Variants in MAP4 observed in about 807,000 individuals in gnomAD.
The protein encoded by MAP4 is microtubule-associated protein 4.
In MAP4, 76 loss-of-function variants were observed where a neutral mutation model predicts 170.2. The ratio of observed to expected loss-of-function variants is 0.45; its 90% confidence interval spans 0.37 to 0.54. The LOEUF (loss-of-function observed/expected upper bound fraction) is 0.54, where lower values mean the gene tolerates loss of function less well. MAP4 is among the 20% of genes least tolerant of loss of function. The pLI is 0.00. For synonymous variants in MAP4, 909 were observed against 994.5 expected (o/e 0.91, Z 1.62); for missense variants, 2,506 against 2,748.0 (o/e 0.91, Z 1.97).
intron 1 of MAP4, among the ~76,000 whole-genome samples, chr3:48,054,629 C>CA (rs745809251): frequency 0.013 from 505 of 39,546 alleles, 18 homozygotes; most frequent in Middle Eastern, 0.02. Context: ...GACTCCATCT[C>CA]AAAAAAAAAA....
chr3:47,917,170 G>C lies in MAP4; in HGVS notation c.657C>G (p.Pro219=). 6.2e-7 allele frequency: 1 copy of C among 1,611,026 alleles called. No individual in the cohort carries two copies. The highest frequency in any genetic ancestry group is 8.5e-7 in the Non-Finnish European group (1 of 1,178,762). ...TTTCTATCTCCTTGGCTAGCTCTAA[G>C]GGAACTAAATTGGAAATTTAGGACA... The part of the protein sequence containing the change: ...VAEPPQPTAV[P]LELAKEIEMA... The change falls in exon 7 of 21, where the codon CCC becomes CCG. Residue 219 remains proline, a synonymous_variant. Coordinates refer to ENST00000683076, the MANE Select transcript of MAP4 (RefSeq NM_001385682.1).
rs186355827 is a variant in MAP4 at position 47,864,781 on chromosome 3, C to T, written c.6501+2465G>A. Among the ~76,000 whole-genome samples, 112 of 152,208 alleles carry T rather than the reference C, an allele frequency of 7.4e-4. 1 individual carries two copies. Among genetic ancestry groups the T allele is most frequent in the African/African-American group, 2.6e-3 (107 of 41,528 alleles). On this transcript the variant is annotated intron_variant, in intron 17 of 20. Transcript: ENST00000683076. ...ACTCGGGAAGCTGACGAAGGAGAAT[C>T]GCTTGAACCTGGGAGGCAGAGGTTG...
intron 1 of MAP4, among the ~76,000 whole-genome samples, chr3:48,060,419 A>G (rs923819578): frequency 6.6e-6 from 1 of 152,184 alleles, no homozygotes; most frequent in African/African-American, 2.4e-5. Flanking sequence ...AACATAGAAG[A>G]AAATCTAGGT....
chr3:48,022,501 C>T (rs1459275316), intron 1 of MAP4, among the ~76,000 whole-genome samples: 2 of 152,024 alleles, frequency 1.3e-5, no homozygotes, highest in African/African-American at 4.8e-5. Context: ...GAAGTGATGC[C>T]TTTAAAACTG....
rs988449755 is a variant in MAP4, at chr3:47,911,194, C to T, written c.3227G>A (p.Gly1076Glu). ...CAGCTCAGATTTTGCTTTTACCTTCCCAGAATCTGTTCTCATTTTCCCAGA... is the reference window on the plus strand; with the variant it reads ...CAGCTCAGATTTTGCTTTTACCTTCTCAGAATCTGTTCTCATTTTCCCAGA... ...GSSGKMRTDS[G>E]KVKAKSELPF... The change falls in exon 9 of 21, where the codon GGG becomes GAG. Residue 1076 changes from glycine to glutamate, a missense_variant. Physicochemically the swap from Gly to Glu is moderately conservative, Grantham distance 98. Coordinates refer to ENST00000683076, the MANE Select transcript of MAP4 (RefSeq NM_001385682.1). This position sits in a 1 kb window ranked among gnomAD's most constrained non-coding sequence, Gnocchi z 4.0. The T allele has an allele frequency of 3.8e-5, 58 of 1,535,994 alleles. No homozygotes were observed. The Admixed American group carries it at 9.8e-4, about 26-fold the overall frequency.
At chr3:47,975,474 A>C in intron 3 of MAP4, 6 of 1,554,394 alleles carry the variant, frequency 3.9e-6, no homozygotes, top group Non-Finnish European at 5.2e-6. Context: ...TTCTAGGAGG[A>C]GAAAAATAGA....
At chr3:48,024,363 G>A (rs192332376) in intron 1 of MAP4, among the ~76,000 whole-genome samples, 3 of 152,102 alleles carry the variant, frequency 2.0e-5, no homozygotes, top group African/African-American at 7.2e-5. Flanking sequence ...GAAAGGGACC[G>A]TGGCAAAGAT....
intron 10 of MAP4, among the ~76,000 whole-genome samples, chr3:47,879,433 T>G (rs967077511): frequency 6.6e-6 from 1 of 152,146 alleles, no homozygotes. Flanking sequence ...CTTAAAACTT[T>G]GAGAAATAAT....
intron 17 of MAP4, among the ~76,000 whole-genome samples, chr3:47,863,567 G>T (rs2072526916): frequency 6.6e-6 from 1 of 152,006 alleles, no homozygotes; most frequent in African/African-American, 2.4e-5. Context: ...TGCTCTGCTT[G>T]TGCTTACACA....
chr3:48,030,176 G>C (rs1475556350), intron 1 of MAP4, among the ~76,000 whole-genome samples: 1 of 150,708 alleles, frequency 6.6e-6, no homozygotes. Context: ...ATCATCTAAG[G>C]CTAAGAATTT....
intron 3 of MAP4, among the ~76,000 whole-genome samples, chr3:47,944,402 C>G (rs1422315493): frequency 1.3e-5 from 2 of 152,040 alleles, no homozygotes; most frequent in East Asian, 3.8e-4. Context: ...CAGCTCACTC[C>G]ATCCAAAATA....
intron 3 of MAP4, among the ~76,000 whole-genome samples, chr3:47,957,179 T>C (rs1228748327): frequency 6.6e-6 from 1 of 152,154 alleles, no homozygotes; most frequent in East Asian, 1.9e-4. Context: ...CGGCTGCTTC[T>C]TTTTTTGAGA....
At chr3:47,997,237 A>AC (rs1449196404) in intron 2 of MAP4, among the ~76,000 whole-genome samples, 1 of 151,276 alleles carries the variant, frequency 6.6e-6, no homozygotes, top group Non-Finnish European at 1.5e-5. Flanking sequence ...AGCTGACTTA[A>AC]CCACTTCAAA....
At chr3:47,928,561 G>A (rs888892350) in intron 3 of MAP4, among the ~76,000 whole-genome samples, 6 of 152,132 alleles carry the variant, frequency 3.9e-5, no homozygotes, top group Admixed American at 3.9e-4. Context: ...GAGACTGAGA[G>A]AGGATTACCT....
At chr3:47,969,871 A>G (rs2100077533) in intron 3 of MAP4, among the ~76,000 whole-genome samples, 1 of 152,168 alleles carries the variant, frequency 6.6e-6, no homozygotes, top group Non-Finnish European at 1.5e-5. Context: ...AAAAAAAAAA[A>G]AAGAGTCTTA....
chr3:48,001,103 C>T (rs1180281873), intron 1 of MAP4, among the ~76,000 whole-genome samples: 1 of 152,046 alleles, frequency 6.6e-6, no homozygotes, highest in African/African-American at 2.4e-5. Context: ...GGCACAGAGG[C>T]TTAAGAATCA....
chr3:48,041,373 A>C (rs1160494078), intron 1 of MAP4, among the ~76,000 whole-genome samples: 2 of 152,148 alleles, frequency 1.3e-5, no homozygotes, highest in Non-Finnish European at 2.9e-5. Flanking sequence ...TGGCCTCCCA[A>C]AGTGCTGAGA....
chr3:47,966,216 G>A (rs1260633711), intron 3 of MAP4, among the ~76,000 whole-genome samples: 1 of 134,314 alleles, frequency 7.4e-6, no homozygotes, highest in African/African-American at 2.7e-5. Context: ...TGGGACTACA[G>A]GCCCACACTA....
At chr3:47,854,343 C>A (rs921642624) in intron 19 of MAP4, among the ~76,000 whole-genome samples, 1 of 152,168 alleles carries the variant, frequency 6.6e-6, no homozygotes, top group Non-Finnish European at 1.5e-5. Context: ...CAAGGACCCC[C>A]CCAGATGTTC....
Sources: gnomAD v4.1 joint callset for allele counts (sites outside exome capture counted in the v4.1 genomes callset) on GRCh38, gnomAD v4.1.1 for gene constraint, Gnocchi (gnomAD v3.1) non-coding constraint, MANE v1.5 for transcripts, NCBI Gene and HGNC (gene_info 2026-07-23, HGNC 2026-07-21) for gene names.